The following ASTN1 variants were observed in gnomAD, a reference collection of about 807,000 sequenced individuals.
ASTN1 encodes the protein astrotactin 1, also known as astrotactin-1.
In ASTN1, 41 loss-of-function variants were observed where a neutral mutation model predicts 140.7. That is an observed-to-expected ratio of 0.29 (90% CI 0.23 to 0.38). The LOEUF (loss-of-function observed/expected upper bound fraction) is 0.38, where lower values mean the gene tolerates loss of function less well. Among genes scored for constraint, ASTN1 ranks in the 10% least tolerant of loss-of-function variants. The pLI, the probability that ASTN1 is intolerant of heterozygous loss-of-function variation, is 1.00. For missense variants in ASTN1, 1,479 were observed against 1,678.8 expected (o/e 0.88, Z 2.08); for synonymous variants, 640 against 652.2 (o/e 0.98, Z 0.29).
At chr1:177,108,347 C>CAAAAAAA (rs71129596) in intron 1 of ASTN1, among the ~76,000 whole-genome samples, 7 of 98,544 alleles carry the variant, frequency 7.1e-5, no homozygotes, top group Non-Finnish European at 5.9e-5. Flanking sequence ...GACTCCGTCT[C>CAAAAAAA]AAAAAAAAAA....
chr1:176,857,760 C>A, downstream of ASTN1: 1 of 418,226 alleles, frequency 2.4e-6, no homozygotes, highest in East Asian at 3.5e-5. Context: ...AACAAAGAGG[C>A]AGTGGCTGAT....
intron 1 of ASTN1, among the ~76,000 whole-genome samples, chr1:177,099,981 C>T (rs1308695284): frequency 6.6e-6 from 1 of 152,104 alleles, no homozygotes; most frequent in Admixed American, 6.5e-5. Flanking sequence ...GTCAGGGAAC[C>T]CAACCCCTCC....
chr1:176,944,225 T>C (rs1671858603), intron 13 of ASTN1, among the ~76,000 whole-genome samples: 1 of 152,270 alleles, frequency 6.6e-6, no homozygotes, highest in Admixed American at 6.5e-5. Flanking sequence ...TACAGGCATG[T>C]GCCACCACGC....
intron 8 of ASTN1, among the ~76,000 whole-genome samples, chr1:177,006,484 G>A (rs967487116): frequency 6.6e-6 from 1 of 151,954 alleles, no homozygotes; most frequent in Non-Finnish European, 1.5e-5. Flanking sequence ...TTTTTAGACT[G>A]AAACCCAAGA....
chr1:176,929,282 T>A (rs1218665609), intron 16 of ASTN1, among the ~76,000 whole-genome samples: 2 of 152,224 alleles, frequency 1.3e-5, no homozygotes, highest in Non-Finnish European at 2.9e-5. Flanking sequence ...TCTTGAATTA[T>A]CTGGGTGGAC....
At chr1:176,886,909 T>G (rs540012851) in intron 18 of ASTN1, among the ~76,000 whole-genome samples, 1 of 152,360 alleles carries the variant, frequency 6.6e-6, no homozygotes, top group Non-Finnish European at 1.5e-5. Flanking sequence ...AGATACAATA[T>G]TCCTGTGGCT....
At chr1:177,079,003 G>A (rs113454990) in intron 1 of ASTN1, among the ~76,000 whole-genome samples, 3 of 152,120 alleles carry the variant, frequency 2.0e-5, no homozygotes, top group African/African-American at 7.2e-5. Flanking sequence ...GCCACCAAAT[G>A]GACCTCAATC....
chr1:177,029,175 C>T (rs1676288620), intron 5 of ASTN1, among the ~76,000 whole-genome samples: 1 of 152,284 alleles, frequency 6.6e-6, no homozygotes, highest in Middle Eastern at 3.4e-3. Context: ...GACAATTACA[C>T]AGATTTTCAG....
chr1:176,882,761 G>T, intron 20 of ASTN1, 98 bp downstream of exon 20: 3 of 1,491,884 alleles, frequency 2.0e-6, no homozygotes, highest in Non-Finnish European at 2.8e-6. Flanking sequence ...AACATGTTTT[G>T]CTGAGTCTCT....
intron 1 of ASTN1, among the ~76,000 whole-genome samples, chr1:177,076,989 A>G (rs1327164338): frequency 6.6e-6 from 1 of 152,152 alleles, no homozygotes; most frequent in African/African-American, 2.4e-5. Flanking sequence ...TTTTCGCCCA[A>G]TCTCAATTGC....
chr1:177,063,588 A>C (rs1030804981), intron 1 of ASTN1, among the ~76,000 whole-genome samples: 9 of 152,104 alleles, frequency 5.9e-5, no homozygotes, highest in African/African-American at 2.2e-4. Flanking sequence ...GTGGGGGTGC[A>C]TGGTTGGAGC....
At chr1:176,860,037 C>T (rs1438392332), downstream of ASTN1, among the ~76,000 whole-genome samples, 2 of 152,132 alleles carry the variant, frequency 1.3e-5, no homozygotes, top group African/African-American at 4.8e-5. Flanking sequence ...GACCAGAGTG[C>T]TGCCATGTGA....
At chr1:177,072,604 A>G (rs1238450858) in intron 1 of ASTN1, among the ~76,000 whole-genome samples, 1 of 152,212 alleles carries the variant, frequency 6.6e-6, no homozygotes, top group Non-Finnish European at 1.5e-5. Context: ...AGAATAACAT[A>G]CATTGACAGA....
At chr1:176,883,038 C>T (rs375648588) in intron 19 of ASTN1, 44 bp from the exon 20 acceptor site, 25 of 1,610,904 alleles carry the variant, frequency 1.6e-5, no homozygotes, top group South Asian at 4.4e-5. Flanking sequence ...GAAACAATGA[C>T]GGCCAAGCAA....
At chr1:176,894,895 T>A in intron 16 of ASTN1, 65 bp from the exon 17 acceptor site, 1 of 1,594,050 alleles carries the variant, frequency 6.3e-7, no homozygotes, top group Non-Finnish European at 8.5e-7. Context: ...CATGACCTCG[T>A]GGCCCCTGAG....
intron 1 of ASTN1, among the ~76,000 whole-genome samples, chr1:177,072,904 G>A (rs76529881): frequency 0.049 from 7,379 of 152,118 alleles, 247 homozygotes; most frequent in South Asian, 0.12. Context: ...TGGCCCATTA[G>A]TTTGAGATTT....
chr1:177,023,747 CA>C (rs1357751698), intron 6 of ASTN1, among the ~76,000 whole-genome samples, 176 bp from the exon 7 acceptor site: 3 of 152,180 alleles, frequency 2.0e-5, no homozygotes, highest in Admixed American at 6.5e-5. Flanking sequence ...GAGGCTGGGC[CA>C]TCACTTGGAC....
chr1:177,132,077 G>A (rs947937690), intron 1 of ASTN1, among the ~76,000 whole-genome samples: 1 of 152,096 alleles, frequency 6.6e-6, no homozygotes, highest in Admixed American at 6.5e-5. Flanking sequence ...AACCATAGCA[G>A]GTTCCCTCTG....
chr1:176,879,099 A>C (rs1217774812), intron 20 of ASTN1, among the ~76,000 whole-genome samples: 1 of 152,222 alleles, frequency 6.6e-6, no homozygotes, highest in Non-Finnish European at 1.5e-5. Flanking sequence ...CTCTCAGGCC[A>C]GCATGGTCAC....
Sources: allele counts gnomAD v4.1 joint callset (sites outside exome capture counted in the v4.1 genomes callset), GRCh38; gene constraint gnomAD v4.1.1; transcripts MANE v1.5; gene names NCBI Gene and HGNC (gene_info 2026-07-23, HGNC 2026-07-21).